PDE3B: variants seen among roughly 807,000 people sequenced by gnomAD.
PDE3B encodes cGMP-inhibited 3',5'-cyclic phosphodiesterase 3B.
In PDE3B, 66 loss-of-function variants were observed where a neutral mutation model predicts 116.8. The ratio of observed to expected loss-of-function variants is 0.56; its 90% CI spans 0.46 to 0.69. The LOEUF is 0.69. PDE3B is among the 30% of genes least tolerant of loss of function. PDE3B has a pLI of 0.00. For synonymous variants in PDE3B, 595 were observed against 533.6 expected, an observed-to-expected ratio of 1.12 and a Z score of -1.59; for missense variants, 1,384 against 1,368.1, an observed-to-expected ratio of 1.01 and a Z score of -0.18.
At chr11:14,846,013 G>A (rs939819063) in intron 12 of PDE3B, among the ~76,000 whole-genome samples, 2 of 152,092 alleles carry the variant, frequency 1.3e-5, no homozygotes, top group Non-Finnish European at 2.9e-5. Flanking sequence ...TCCTCGAGAA[G>A]AGCAACTCCA....
the PDE3B span, chr11:14,880,159 A>G: frequency 2.5e-6 from 4 of 1,612,832 alleles, no homozygotes; most frequent in Non-Finnish European, 3.4e-6. Context: ...ATAAAGGGCC[A>G]TGAAAAGAAT....
intron 15 of PDE3B, 136 bp from the exon 16 acceptor site, chr11:14,869,325 T>C (rs1290973234): frequency 2.4e-6 from 1 of 421,630 alleles, no homozygotes; most frequent in African/African-American, 2.1e-5. Context: ...TATATTATTT[T>C]TATTATACTA....
At chr11:14,780,203 C>T (rs1346472436) in intron 2 of PDE3B, among the ~76,000 whole-genome samples, 4 of 152,134 alleles carry the variant, frequency 2.6e-5, no homozygotes, top group Non-Finnish European at 5.9e-5. Flanking sequence ...TAGACTCCCA[C>T]ACAATAATAA....
At chr11:14,854,526 T>G (rs1457259641) in intron 12 of PDE3B, among the ~76,000 whole-genome samples, 1 of 152,074 alleles carries the variant, frequency 6.6e-6, no homozygotes, top group Non-Finnish European at 1.5e-5. Flanking sequence ...GAATTTTTTT[T>G]TTTTTTTTGT....
chr11:14,827,920 G>A (rs1268349451), intron 7 of PDE3B, among the ~76,000 whole-genome samples: 2 of 152,100 alleles, frequency 1.3e-5, no homozygotes, highest in African/African-American at 4.8e-5. Context: ...AAAGTATACT[G>A]CAGAACTGCA....
chr11:14,824,507 C>T (rs1394930916), intron 7 of PDE3B, among the ~76,000 whole-genome samples: 1 of 152,082 alleles, frequency 6.6e-6, no homozygotes, highest in Admixed American at 6.6e-5. Context: ...ATTCCAAGTA[C>T]AGCAAAAGAG....
At chr11:14,729,520 CCT>C (rs1216917126) in intron 1 of PDE3B, among the ~76,000 whole-genome samples, 1 of 152,118 alleles carries the variant, frequency 6.6e-6, no homozygotes, top group Non-Finnish European at 1.5e-5. Flanking sequence ...CATTTTATCC[CCT>C]CTTGGTTACA....
chr11:14,752,546 T>C (rs373338050), intron 1 of PDE3B, among the ~76,000 whole-genome samples: 1 of 152,194 alleles, frequency 6.6e-6, no homozygotes, highest in African/African-American at 2.4e-5. Flanking sequence ...AGCTCTCTTC[T>C]AAAGTTCCTC....
chr11:14,744,986 TG>T (rs1394991607), intron 1 of PDE3B, among the ~76,000 whole-genome samples: 3 of 152,206 alleles, frequency 2.0e-5, no homozygotes, highest in Non-Finnish European at 4.4e-5. Flanking sequence ...ATAGCTTTTT[TG>T]TTTTTTTGTT....
intron 1 of PDE3B, among the ~76,000 whole-genome samples, chr11:14,706,009 A>G (rs527559303): frequency 6.6e-5 from 10 of 151,890 alleles, no homozygotes; most frequent in Non-Finnish European, 1.2e-4. Context: ...CTTGTTTTAT[A>G]TGTGTTCAAT....
chr11:14,863,060 C>A (rs1157779679), intron 14 of PDE3B, among the ~76,000 whole-genome samples: 4 of 151,926 alleles, frequency 2.6e-5, no homozygotes, highest in Admixed American at 6.6e-5. Flanking sequence ...AACAGGCCCC[C>A]ATGTGTGATA....
chr11:14,843,810 T>G lies in PDE3B; in HGVS notation c.2321-17T>G, dbSNP rs1194926835. On this transcript the variant is annotated splice_polypyrimidine_tract_variant and intron_variant, in intron 11 of 15. Transcript: ENST00000282096. The stretch of plus-strand genomic sequence containing the variant: ...ATGTGCTAATGCTGGTTTATTTTGC[T>G]ATTTATTGTTTCTCAGATTCTGATG... 1.9e-6 allele frequency: 3 copies of G among 1,601,470 alleles called. No individual in the cohort carries two copies. Among genetic ancestry groups the G allele is most frequent in the Non-Finnish European group, 2.6e-6 (3 of 1,168,536 alleles).
chr11:14,822,601 G>A lies in PDE3B; in HGVS notation c.1807+3392G>A, dbSNP rs1416955903. Among the ~76,000 whole-genome samples, 4 of 152,148 alleles carry A rather than the reference G, an allele frequency of 2.6e-5. 1 individual carries two copies. The highest frequency in any genetic ancestry group is 4.1e-4 in the South Asian group (2 of 4,826). On this transcript the variant is annotated intron_variant, in intron 7 of 15. Transcript: ENST00000282096. ...ACCCTTGAGTCAGGAGACCCTCCTC[G>A]TAAACCCACTGCACCAGGGCTTGCA...
At chr11:14,848,434 A>G (rs1316220207) in intron 12 of PDE3B, among the ~76,000 whole-genome samples, 1 of 151,182 alleles carries the variant, frequency 6.6e-6, no homozygotes, top group Non-Finnish European at 1.5e-5. Context: ...GGCACAAGAC[A>G]GGGATGCCCT....
In PDE3B at chr11:14,861,319, T is replaced by C. The variant is rs1215101668; in HGVS notation, c.2839T>C (p.Leu947=). 2.5e-5 allele frequency: 41 copies of C among 1,613,756 alleles called. No individual in the cohort carries two copies. Among genetic ancestry groups the C allele is most frequent in the Non-Finnish European group, 3.4e-5 (40 of 1,179,842 alleles). ...AAATGGCCCAGCAAAAGTTCGAGACTTGCATTTGAAATGGACAGAAGGCAT... is the reference window on the plus strand; with the variant it reads ...AAATGGCCCAGCAAAAGTTCGAGACCTGCATTTGAAATGGACAGAAGGCAT... ...DINGPAKVRD[L]HLKWTEGIVN... The change falls in exon 14 of 16, where the codon TTG becomes CTG. Residue 947 remains leucine (L), a synonymous_variant. Transcript: ENST00000282096.
At chr11:14,781,761 T>C (rs1050045116) in intron 2 of PDE3B, among the ~76,000 whole-genome samples, 10 of 152,156 alleles carry the variant, frequency 6.6e-5, no homozygotes, top group African/African-American at 2.4e-4. Context: ...AAGACAGGGG[T>C]GCCTCTCTCT....
At chr11:14,847,331 A>T (rs1301977992) in intron 12 of PDE3B, among the ~76,000 whole-genome samples, 4 of 151,582 alleles carry the variant, frequency 2.6e-5, no homozygotes, top group African/African-American at 9.7e-5. Flanking sequence ...TCTGGGACAC[A>T]TTCAAAGCAG....
chr11:14,758,600 C>G (rs1224014197), intron 1 of PDE3B, among the ~76,000 whole-genome samples: 2 of 145,178 alleles, frequency 1.4e-5, no homozygotes, highest in Non-Finnish European at 3.0e-5. Context: ...ATTTGGCTCT[C>G]TGTTTGTCTG....
chr11:14,673,641 A>G (rs781632922), intron 1 of PDE3B: 8 of 678,322 alleles, frequency 1.2e-5, no homozygotes, highest in Non-Finnish European at 2.0e-5. Context: ...GGCACTAAAC[A>G]AAGTTGTAGA....
Sources: allele counts gnomAD v4.1 joint callset (sites outside exome capture counted in the v4.1 genomes callset), GRCh38; gene constraint gnomAD v4.1.1; transcripts MANE v1.5; gene names NCBI Gene and HGNC (gene_info 2026-07-23, HGNC 2026-07-21).